Variants in SLC4A5 observed in about 807,000 individuals in gnomAD.
The protein encoded by SLC4A5 is electrogenic sodium bicarbonate cotransporter 4.
In SLC4A5, 96 loss-of-function variants were observed where a neutral mutation model predicts 120.4. The ratio of observed to expected loss-of-function variants is 0.80; its 90% CI spans 0.68 to 0.94. The LOEUF (loss-of-function observed/expected upper bound fraction) is 0.94, where lower values mean the gene tolerates loss of function less well. SLC4A5 is among the 40% of genes least tolerant of loss of function. The pLI is 0.00. For synonymous variants in SLC4A5, 550 were observed against 571.1 expected, an observed-to-expected ratio of 0.96 and a Z score of 0.53; for missense variants, 1,259 against 1,459.5, an observed-to-expected ratio of 0.86 and a Z score of 2.24.
At chr2:74,335,338 T>C (rs1272292537) in intron 3 of SLC4A5, among the ~76,000 whole-genome samples, 2 of 152,218 alleles carry the variant, frequency 1.3e-5, no homozygotes, top group Non-Finnish European at 2.9e-5. Context: ...TTGGGAATCA[T>C]TGAGGCCACA....
chr2:74,239,209 A>T, intron 21 of SLC4A5, 126 bp downstream of exon 21: 1 of 804,556 alleles, frequency 1.2e-6, no homozygotes, highest in Non-Finnish European at 2.0e-6. Flanking sequence ...TCTCTGACTT[A>T]ACTTGAAAAA....
At chr2:74,322,965 G>A (rs1673132789) in intron 5 of SLC4A5, among the ~76,000 whole-genome samples, 1 of 152,188 alleles carries the variant, frequency 6.6e-6, no homozygotes, top group South Asian at 2.1e-4. Context: ...TGGGCAGGGT[G>A]CGGTGTCTCA....
intron 3 of SLC4A5, among the ~76,000 whole-genome samples, chr2:74,337,360 G>A (rs1366231930): frequency 1.3e-5 from 2 of 152,148 alleles, no homozygotes; most frequent in Non-Finnish European, 2.9e-5. Context: ...GACATGAAGG[G>A]CAGGACCCTT....
chr2:74,326,359 T>A (rs1673216443), intron 5 of SLC4A5, among the ~76,000 whole-genome samples: 2 of 152,166 alleles, frequency 1.3e-5, no homozygotes, highest in Non-Finnish European at 2.9e-5. Context: ...TATTCCCCCA[T>A]CCATCTTTAG....
intron 7 of SLC4A5, among the ~76,000 whole-genome samples, chr2:74,293,940 T>C (rs1672252395): frequency 6.6e-6 from 1 of 152,072 alleles, no homozygotes; most frequent in Admixed American, 6.5e-5. Flanking sequence ...AGCCTAGTCA[T>C]GTGAAAAGTA....
At chr2:74,337,677 C>T (rs546552204) in intron 3 of SLC4A5, among the ~76,000 whole-genome samples, 2 of 152,168 alleles carry the variant, frequency 1.3e-5, no homozygotes, top group Non-Finnish European at 1.5e-5. Context: ...TTAAATCATT[C>T]GCAGGGCTCA....
At position 74,218,797 on chromosome 2, in the gene SLC4A5, A is replaced by G. The variant is rs1367972113; in HGVS notation, c.*34-5T>C. 6.5e-6 allele frequency: 1 copy of G among 152,696 alleles called. No individual in the cohort carries two copies. The highest frequency in any genetic ancestry group is 2.4e-5 in the African/African-American group (1 of 41,460). 9.5% of individuals were successfully genotyped at this position (152,696 alleles called of 1,614,324 possible). ...ATTTTGAAGTGCAAGGTGATGCTGAACGAGAAGTAGGAAAGAAGGATTACG... is the reference window on the plus strand; with the variant it reads ...ATTTTGAAGTGCAAGGTGATGCTGAGCGAGAAGTAGGAAAGAAGGATTACG... On this transcript the variant is annotated splice_region_variant and splice_polypyrimidine_tract_variant and intron_variant, in intron 30 of 30. Transcript: ENST00000394019.
intron 2 of SLC4A5, among the ~76,000 whole-genome samples, chr2:74,341,382 A>G (rs1319474842): frequency 2.0e-5 from 3 of 152,166 alleles, no homozygotes; most frequent in African/African-American, 7.2e-5. Context: ...ATTTTACCAC[A>G]TAAGTCATGT....
At chr2:74,311,556 T>G (rs895366800) in intron 6 of SLC4A5, among the ~76,000 whole-genome samples, 3 of 152,238 alleles carry the variant, frequency 2.0e-5, no homozygotes, top group East Asian at 3.8e-4. Context: ...CTTCTTTGAC[T>G]ACTCATATAT....
intron 18 of SLC4A5, among the ~76,000 whole-genome samples, chr2:74,247,526 T>G (rs1670651215): frequency 6.6e-6 from 1 of 152,110 alleles, no homozygotes. Context: ...AACTTTTTTT[T>G]TTTTTTGAGA....
intron 5 of SLC4A5, among the ~76,000 whole-genome samples, chr2:74,322,245 G>T (rs1673116640): frequency 6.6e-6 from 1 of 151,716 alleles, no homozygotes; most frequent in Admixed American, 6.6e-5. Flanking sequence ...GTTACTTTTA[G>T]CTGAGGCCTT....
intron 8 of SLC4A5, among the ~76,000 whole-genome samples, chr2:74,279,011 C>A (rs1236475841): frequency 6.6e-6 from 1 of 152,232 alleles, no homozygotes; most frequent in Non-Finnish European, 1.5e-5. Context: ...GCCCCTCCAC[C>A]TGTGCCCAGG....
intron 7 of SLC4A5, among the ~76,000 whole-genome samples, chr2:74,300,982 C>A (rs1164048723): frequency 6.6e-6 from 1 of 152,124 alleles, no homozygotes; most frequent in African/African-American, 2.4e-5. Flanking sequence ...CATCAAATTT[C>A]TTTAGGATAG....
intron 10 of SLC4A5, among the ~76,000 whole-genome samples, 184 bp from the exon 11 acceptor site, chr2:74,262,416 C>T (rs952248763): frequency 1.5e-4 from 22 of 144,392 alleles, no homozygotes; most frequent in Non-Finnish European, 3.0e-4. Context: ...AACAAGATTA[C>T]AGGCTGGGCA....
chr2:74,234,179 C>CTT lies in SLC4A5; in HGVS notation c.2434-618_2434-617dup, dbSNP rs1207652635. 8.9e-4 allele frequency among the ~76,000 whole-genome samples: 126 copies of CTT among 142,122 alleles called. 1 individual carries two copies. The highest frequency in any genetic ancestry group is 3.1e-3 in the African/African-American group (119 of 38,554). 93.2% of individuals were successfully genotyped at this position (142,122 alleles called of 152,430 possible). On this transcript the variant is annotated intron_variant, in intron 22 of 30. Coordinates refer to ENST00000394019, the Ensembl canonical transcript of SLC4A5. Reference sequence around the variant, plus strand: ...CTCTTTTTTTTTTCTTTCTTTCTTTCTTTTTTTTTTTGTTTTTGAGACAGA... The same window carrying CTT: ...CTCTTTTTTTTTTCTTTCTTTCTTTCTTTTTTTTTTTTTGTTTTTGAGACAGA...
At chr2:74,249,116 G>A (rs1223333097) in intron 17 of SLC4A5, among the ~76,000 whole-genome samples, 1 of 152,146 alleles carries the variant, frequency 6.6e-6, no homozygotes, top group East Asian at 1.9e-4. Flanking sequence ...ATACCAGTAG[G>A]AACCCTCCTC....
intron 7 of SLC4A5, among the ~76,000 whole-genome samples, chr2:74,294,899 G>C (rs973695396): frequency 2.0e-5 from 3 of 152,102 alleles, no homozygotes; most frequent in Non-Finnish European, 4.4e-5. Flanking sequence ...TCAAACTCCT[G>C]GCCTCAAGTG....
At chr2:74,250,781 A>C in intron 16 of SLC4A5, 3 of 392,634 alleles carry the variant, frequency 7.6e-6, no homozygotes, top group Non-Finnish European at 1.4e-5. Context: ...CCTGGGGTAG[A>C]CCTAACATTC....
intron 7 of SLC4A5, among the ~76,000 whole-genome samples, chr2:74,292,848 C>T (rs749700971): frequency 1.7e-4 from 26 of 152,164 alleles, no homozygotes; most frequent in Non-Finnish European, 3.2e-4. Flanking sequence ...TCTCTCTCAT[C>T]GGCTCCCTGA....
Sources: allele counts gnomAD v4.1 joint callset (sites outside exome capture counted in the v4.1 genomes callset), GRCh38; gene constraint gnomAD v4.1.1; transcripts MANE v1.5; gene names NCBI Gene and HGNC (gene_info 2026-07-23, HGNC 2026-07-21).